The following PLA2G6 variants were observed in gnomAD, a reference collection of about 807,000 sequenced individuals.
The protein encoded by PLA2G6 is phospholipase A2 group VI.
Under a neutral mutation model 83.8 loss-of-function variants are expected in PLA2G6, and 62 were observed. The ratio of observed to expected loss-of-function variants is 0.74; its 90% CI spans 0.60 to 0.91. The LOEUF is 0.91. Ranked by LOEUF, PLA2G6 falls within the 40% of genes least tolerant of loss-of-function variation. PLA2G6 has a pLI of 0.00. For missense variants in PLA2G6, 944 were observed against 1,102.0 expected, an observed-to-expected ratio of 0.86 and a Z score of 2.03; for synonymous variants, 417 against 449.8, an observed-to-expected ratio of 0.93 and a Z score of 0.92.
Position 38,116,226 on chromosome 22 carries a change from G to T in PLA2G6, c.1743-15C>A, listed in dbSNP as rs2087185925. The T allele has an allele frequency of 1.9e-6, 3 of 1,613,804 alleles. No homozygotes were observed. ...TCAGCATCACCCTGGAGAGAAATGA[G>T]GCAGGAGGACGGCTGAGCCACCCGC... is the stretch of plus-strand genomic sequence containing the variant. On this transcript the variant is annotated splice_polypyrimidine_tract_variant and intron_variant, in intron 12 of 16. Coordinates refer to ENST00000332509, the MANE Select transcript of PLA2G6 (RefSeq NM_003560.4).
chr22:38,156,209 C>T (rs1303027053), intron 2 of PLA2G6, among the ~76,000 whole-genome samples: 1 of 152,098 alleles, frequency 6.6e-6, no homozygotes, highest in African/African-American at 2.4e-5. Context: ...GAGAGATAGA[C>T]CTCAATACAA....
At chr22:38,115,279 T>G (rs967091202) in intron 14 of PLA2G6, among the ~76,000 whole-genome samples, 1 of 152,168 alleles carries the variant, frequency 6.6e-6, no homozygotes, top group Non-Finnish European at 1.5e-5. Context: ...ATGGTATGCA[T>G]GCCGCCCTCC....
intron 2 of PLA2G6, among the ~76,000 whole-genome samples, chr22:38,159,761 G>GAAGGAAGGAAGGAAGGAAGC (rs543554981): frequency 5.3e-5 from 8 of 150,358 alleles, no homozygotes; most frequent in African/African-American, 2.0e-4. Context: ...AGGAAGGAAG[G>GAAGGAAGGAAGGAAGGAAGC]AGATCTTCAA....
intron 15 of PLA2G6, chr22:38,112,888 C>CCTCTCT (rs34550422): frequency 2.0e-5 from 9 of 453,168 alleles, no homozygotes; most frequent in African/African-American, 1.8e-4. Context: ...CTCCCTCCCT[C>CCTCTCT]CTCTCTCTCT....
intron 11 of PLA2G6, among the ~76,000 whole-genome samples, chr22:38,122,531 G>A (rs4820314): frequency 0.31 from 47,863 of 152,150 alleles, 7,934 homozygotes; most frequent in South Asian, 0.42. Flanking sequence ...TGGCCTAGGA[G>A]GTGCCAGGCT....
intron 15 of PLA2G6, 43 bp from the exon 16 acceptor site, chr22:38,112,620 C>T: frequency 6.7e-7 from 1 of 1,500,770 alleles, no homozygotes; most frequent in South Asian, 1.2e-5. Context: ...CCACACCCCG[C>T]CCGGCCCGCA....
chr22:38,144,229 C>G (rs1340677586), intron 3 of PLA2G6: 2 of 152,530 alleles, frequency 1.3e-5, no homozygotes, highest in Non-Finnish European at 1.5e-5. Context: ...CAAAAGGAGG[C>G]CTTCAGCTTC....
Position 38,128,513 on chromosome 22 carries a change from CTCCG to C in PLA2G6, c.1187-87_1187-84del, listed in dbSNP as rs1361904195. 6.9e-7 allele frequency: 1 copy of C among 1,451,120 alleles called. No homozygotes were observed. Among genetic ancestry groups the C allele is most frequent in the Non-Finnish European group, 9.5e-7 (1 of 1,051,160 alleles). The allele number at this position is 1,451,120 out of a possible 1,614,324, so 89.9% of individuals were successfully genotyped here. ...AAAGGAGAGGCCCCTCCTTTCCACA[CTCCG>C]TCCCCTGTCCCAGCTCCCAGGCCCT... On this transcript the variant is annotated intron_variant, in intron 8 of 16. Coordinates refer to ENST00000332509, the MANE Select transcript of PLA2G6 (RefSeq NM_003560.4). This position sits in a 1 kb window ranked among gnomAD's most constrained non-coding sequence, Gnocchi z 4.4.
chr22:38,114,949 C>T (rs2087101116), intron 14 of PLA2G6, among the ~76,000 whole-genome samples: 1 of 152,198 alleles, frequency 6.6e-6, no homozygotes, highest in Admixed American at 6.5e-5. Context: ...CCCGGTCACC[C>T]ACCGCCCGCC....
At chr22:38,172,054 C>G (rs558201333) in intron 1 of PLA2G6, among the ~76,000 whole-genome samples, 1 of 152,250 alleles carries the variant, frequency 6.6e-6, no homozygotes, top group South Asian at 2.1e-4. Flanking sequence ...ACTATCACAG[C>G]CCAGCATGTT....
Position 38,145,657 on chromosome 22 carries a change from T to G in PLA2G6, c.210-4A>C. The G allele has an allele frequency of 6.2e-7, 1 of 1,604,676 alleles. No homozygotes were observed. On this transcript the variant is annotated splice_region_variant and splice_polypyrimidine_tract_variant and intron_variant, in intron 2 of 16. Transcript: ENST00000332509. Reference sequence around the variant, plus strand: ...CTCCAACTCCAGCTGGAAGAGTCTGTAGAGCCAGGACAGAGGAGCAAGACC... The same window carrying G: ...CTCCAACTCCAGCTGGAAGAGTCTGGAGAGCCAGGACAGAGGAGCAAGACC...
chr22:38,148,439 T>A, intron 2 of PLA2G6: 1 of 709,792 alleles, frequency 1.4e-6, no homozygotes, highest in Non-Finnish European at 2.6e-6. Context: ...GACAAATTAT[T>A]AAAAAACATC....
chr22:38,115,434 G>T, intron 14 of PLA2G6, 93 bp downstream of exon 14: 1 of 1,184,368 alleles, frequency 8.4e-7, no homozygotes, highest in Non-Finnish European at 1.2e-6. Context: ...AAAGCCACCT[G>T]CTGTCCTGGG....
At chr22:38,181,202 A>G (rs1046990459) in intron 1 of PLA2G6, among the ~76,000 whole-genome samples, 5 of 152,180 alleles carry the variant, frequency 3.3e-5, no homozygotes, top group African/African-American at 1.2e-4. Context: ...TGGGGTGGCC[A>G]GGCTGAGGGG....
At chr22:38,127,692 G>C (rs2145744474) in intron 9 of PLA2G6, among the ~76,000 whole-genome samples, 1 of 152,308 alleles carries the variant, frequency 6.6e-6, no homozygotes, top group East Asian at 1.9e-4. Flanking sequence ...GGAGGTCCCT[G>C]AGTGGGCCAG....
At chr22:38,113,394 T>C in intron 15 of PLA2G6, 93 bp downstream of exon 15, 1 of 1,253,794 alleles carries the variant, frequency 8.0e-7, no homozygotes, top group Non-Finnish European at 1.2e-6. Flanking sequence ...TGCTGTCTCC[T>C]CCAACACCAA....
chr22:38,160,673 C>T (rs890903594), intron 2 of PLA2G6, among the ~76,000 whole-genome samples: 7 of 152,198 alleles, frequency 4.6e-5, no homozygotes, highest in Admixed American at 6.5e-5. Context: ...GGTGAAACCT[C>T]GTCTCTACTA....
intron 15 of PLA2G6, among the ~76,000 whole-genome samples, 159 bp downstream of exon 15, chr22:38,113,328 C>T (rs1198014470): frequency 6.6e-6 from 1 of 152,226 alleles, no homozygotes; most frequent in African/African-American, 2.4e-5. Context: ...CGCACTGAGA[C>T]TCTGAACTGT....
intron 3 of PLA2G6, 134 bp from the exon 4 acceptor site, chr22:38,143,422 G>A (rs1381421649): frequency 3.0e-5 from 24 of 801,890 alleles, no homozygotes; most frequent in Non-Finnish European, 4.1e-5. Context: ...GAGCATTCCC[G>A]CCACTCAGCT....
Sources: allele counts gnomAD v4.1 joint callset (sites outside exome capture counted in the v4.1 genomes callset), GRCh38; gene constraint gnomAD v4.1.1; non-coding constraint Gnocchi (gnomAD v3.1); transcripts MANE v1.5; gene names NCBI Gene and HGNC (gene_info 2026-07-23, HGNC 2026-07-21).